Variants in AFMID observed in about 807,000 individuals in gnomAD.
AFMID encodes arylformamidase, also known as kynurenine formamidase.
In AFMID, 39 loss-of-function variants were observed where a neutral mutation model predicts 47.5. The observed-to-expected ratio is 0.82, with a 90% confidence interval of 0.64 to 1.07. The LOEUF is 1.07. Among genes scored for constraint, AFMID ranks in the 50% least tolerant of loss-of-function variants. AFMID has a pLI of 0.00. For synonymous variants in AFMID, 130 were observed against 153.2 expected, an observed-to-expected ratio of 0.85 and a Z score of 1.12; for missense variants, 375 against 387.5, an observed-to-expected ratio of 0.97 and a Z score of 0.27.
chr17:78,195,447 G>A (rs1344781224), intron 2 of AFMID, among the ~76,000 whole-genome samples: 2 of 151,058 alleles, frequency 1.3e-5, no homozygotes, highest in African/African-American at 2.4e-5. Context: ...CGCCTGCCTC[G>A]ACCTCCCAAA....
chr17:78,189,517 C>T (rs964923705), intron 1 of AFMID, among the ~76,000 whole-genome samples: 7 of 140,080 alleles, frequency 5.0e-5, no homozygotes, highest in Non-Finnish European at 9.0e-5. Context: ...GCCACCACGC[C>T]CAGTGTTTTG....
chr17:78,191,105 A>T, intron 2 of AFMID, 45 bp downstream of exon 2: 1 of 1,536,360 alleles, frequency 6.5e-7, no homozygotes, highest in Non-Finnish European at 9.0e-7. Context: ...GTCCTTAAGC[A>T]TGTGGCAGTG....
intron 2 of AFMID, among the ~76,000 whole-genome samples, chr17:78,201,530 G>A (rs1225588660): frequency 5.9e-5 from 9 of 152,052 alleles, no homozygotes. Context: ...GAGGCTGGAG[G>A]ATTGCTTGGC....
rs138405849 is a variant in AFMID, at chr17:78,191,010, G to A, written c.104G>A (p.Arg35Gln). 456 of 1,614,058 alleles carry A rather than the reference G, an allele frequency of 2.8e-4. No individual in the cohort carries two copies. The highest frequency in any genetic ancestry group is 3.6e-4 in the Non-Finnish European group (423 of 1,180,010). ...NQYCPSRWVV[R>Q]LGAEEALRTY... ...TACTGTCCCAGCCGATGGGTTGTCC[G>A]ACTGGGAGCAGAGGAAGCCTTGAGG... The change falls in exon 2 of 11, where the codon CGA (arginine) becomes CAA (glutamine). Residue 35 changes from arginine (R) to glutamine (Q), a missense_variant. Coordinates refer to ENST00000409257, the MANE Select transcript of AFMID (RefSeq NM_001010982.5).
intron 2 of AFMID, among the ~76,000 whole-genome samples, chr17:78,192,310 C>CTTT (rs756391509): frequency 0.01 from 809 of 77,698 alleles, 47 homozygotes; most frequent in South Asian, 0.019. Context: ...CATGGCTGGA[C>CTTT]TTTTTTTTTT....
intron 2 of AFMID, among the ~76,000 whole-genome samples, chr17:78,195,028 T>G (rs2076074819): frequency 6.6e-6 from 1 of 152,060 alleles, no homozygotes; most frequent in African/African-American, 2.4e-5. Flanking sequence ...CAAAATGCTG[T>G]ATATATTTTT....
intron 2 of AFMID, 36 bp from the exon 3 acceptor site, chr17:78,202,463 C>T (rs1203223468): frequency 3.1e-6 from 5 of 1,597,314 alleles, no homozygotes; most frequent in Non-Finnish European, 4.3e-6. Flanking sequence ...ACCACCTGAG[C>T]TTGTGCTGAC....
chr17:78,205,660 C>A lies in AFMID; in HGVS notation c.702C>A (p.Asp234Glu). The A allele has an allele frequency of 1.2e-6, 2 of 1,613,704 alleles. No homozygotes were observed. Among genetic ancestry groups the A allele is most frequent in the Non-Finnish European group, 1.7e-6 (2 of 1,179,976 alleles). ...QLKVAQAQPVDPTCRVLVVVG... is the reference protein window; with the variant it reads ...QLKVAQAQPVEPTCRVLVVVG... ...AGGTGGCCCAGGCACAGCCGGTGGA[C>A]CCCACCTGCCGTGTGCTGGTGGTCG... The change falls in exon 9 of 11, where the codon GAC becomes GAA. Residue 234 changes from aspartate to glutamate, a missense_variant. Asp to Glu is a conservative substitution (Grantham distance 45). Coordinates refer to ENST00000409257, the MANE Select transcript of AFMID (RefSeq NM_001010982.5).
intron 2 of AFMID, chr17:78,192,613 C>CT (rs984652754): frequency 1.1e-5 from 5 of 470,884 alleles, no homozygotes; most frequent in Non-Finnish European, 2.2e-5. Context: ...CGTGCCTGGA[C>CT]TTTCACCTTT....
Position 78,207,033 on chromosome 17 carries a change from C to A in AFMID, c.*96C>A. On this transcript the variant is annotated 3_prime_UTR_variant, in exon 11 of 11. Transcript: ENST00000409257. ...CTGACACTGACAGCTTCAGTTTCCC[C>A]CAGCACCCAGGAGAGCCTTGCTGTG... The A allele has an allele frequency of 7.5e-7, 1 of 1,331,476 alleles. No individual in the cohort carries two copies. The allele number at this position is 1,331,476 out of a possible 1,614,324, so 82.5% of individuals were successfully genotyped here.
At chr17:78,187,482 A>C in intron 1 of AFMID, 49 bp downstream of exon 1, 197 of 1,596,364 alleles carry the variant, frequency 1.2e-4, no homozygotes, top group Non-Finnish European at 1.6e-4. Flanking sequence ...GAGTTAGCTC[A>C]TTTATTAGAT....
In AFMID at chr17:78,207,124, T is replaced by A. The variant is rs893697371; in HGVS notation, c.*187T>A. ...CTCATGAAAATCTCCACGTCCTCCC[T>A]CTTCCCAGCCTGGATGGAGCTCCAG... is the stretch of plus-strand genomic sequence containing the variant. On this transcript the variant is annotated 3_prime_UTR_variant, in exon 11 of 11. Coordinates refer to ENST00000409257, the MANE Select transcript of AFMID (RefSeq NM_001010982.5). 1.5e-6 allele frequency: 1 copy of A among 665,328 alleles called. No individual in the cohort carries two copies. Among genetic ancestry groups the A allele is most frequent in the African/African-American group, 1.8e-5 (1 of 55,054 alleles). The allele number at this position is 665,328 out of a possible 1,614,324, so 41.2% of individuals were successfully genotyped here.
chr17:78,201,160 A>C (rs1221584156), intron 2 of AFMID, among the ~76,000 whole-genome samples: 1 of 151,404 alleles, frequency 6.6e-6, no homozygotes, highest in East Asian at 1.9e-4. Flanking sequence ...CCACGTCCAG[A>C]TAACTTTTTT....
At chr17:78,201,700 C>CCA (rs1404315542) in intron 2 of AFMID, among the ~76,000 whole-genome samples, 1 of 152,114 alleles carries the variant, frequency 6.6e-6, no homozygotes. Context: ...CCTCGCAGAA[C>CCA]CACAGTTCAC....
intron 2 of AFMID, among the ~76,000 whole-genome samples, chr17:78,200,941 G>A (rs1206132907): frequency 6.6e-6 from 1 of 152,090 alleles, no homozygotes; most frequent in African/African-American, 2.4e-5. Context: ...TGCTGCGGTG[G>A]GAGGGGAGGC....
Position 78,187,816 on chromosome 17 carries a change from G to T in AFMID, c.63+383G>T, listed in dbSNP as rs115349692. On this transcript the variant is annotated intron_variant, in intron 1 of 10. Coordinates refer to ENST00000409257, the MANE Select transcript of AFMID (RefSeq NM_001010982.5). ...AAAATACAAAAATTAGCCGGGCGTG[G>T]TGATGTACCTCTGTAATCCCAGCTA... is the stretch of plus-strand genomic sequence containing the variant. 1.9e-3 allele frequency among the ~76,000 whole-genome samples: 285 copies of T among 152,104 alleles called. 4 individuals carry two copies. The highest frequency in any genetic ancestry group is 6.6e-3 in the African/African-American group (272 of 41,486).
At chr17:78,187,875 C>G (rs894662910) in intron 1 of AFMID, among the ~76,000 whole-genome samples, 4 of 149,060 alleles carry the variant, frequency 2.7e-5, no homozygotes, top group African/African-American at 1.0e-4. Flanking sequence ...TCGCTTGAAC[C>G]CAGGAGGTGG....
At chr17:78,205,392 C>T (rs1329136510) in intron 7 of AFMID, 48 bp from the exon 8 acceptor site, 1 of 1,606,624 alleles carries the variant, frequency 6.2e-7, no homozygotes, top group African/African-American at 1.3e-5. Flanking sequence ...CTGGCCCTGC[C>T]TTGCTCCGCC....
At chr17:78,206,133 C>A in intron 10 of AFMID, 83 bp downstream of exon 10, 1 of 1,185,348 alleles carries the variant, frequency 8.4e-7, no homozygotes. Flanking sequence ...ACCAGGAGTT[C>A]AAGACCAGCC....
Sources: gnomAD v4.1 joint callset for allele counts (sites outside exome capture counted in the v4.1 genomes callset) on GRCh38, gnomAD v4.1.1 for gene constraint, MANE v1.5 for transcripts, NCBI Gene and HGNC (gene_info 2026-07-23, HGNC 2026-07-21) for gene names.